The following EXOC6 variants were observed in gnomAD, a reference collection of about 807,000 sequenced individuals.
EXOC6 encodes SEC15-like 1.
In EXOC6, 60 loss-of-function variants were observed where a neutral mutation model predicts 112.5. The observed-to-expected ratio is 0.53, with a 90% CI of 0.43 to 0.66. The LOEUF (loss-of-function observed/expected upper bound fraction) is 0.66, where lower values mean the gene tolerates loss of function less well. Ranked by LOEUF, EXOC6 falls within the 30% of genes least tolerant of loss-of-function variation. The pLI is 0.00. For missense variants in EXOC6, 855 were observed against 957.1 expected (o/e 0.89, Z 1.41); for synonymous variants, 295 against 308.0 (o/e 0.96, Z 0.44).
intron 1 of EXOC6, among the ~76,000 whole-genome samples, chr10:92,886,351 T>G (rs139338504): frequency 6.6e-6 from 1 of 152,376 alleles, no homozygotes; most frequent in East Asian, 1.9e-4. Flanking sequence ...TTGTTGCATT[T>G]GTAATTTAAA....
chr10:92,923,582 A>C lies in EXOC6; in HGVS notation c.888+3532A>C, dbSNP rs1484127288. 2.0e-5 allele frequency among the ~76,000 whole-genome samples: 3 copies of C among 152,158 alleles called. No individual in the cohort carries two copies. In the East Asian group the frequency reaches 5.8e-4, roughly 29 times the overall value. On this transcript the variant is annotated intron_variant, in intron 8 of 21. Coordinates refer to ENST00000260762, the MANE Select transcript of EXOC6 (RefSeq NM_019053.6). ...AAGGCCTCAGTTCCTTGCCACATGG[A>C]GTGTCTACTAGGCTGCCTGAAAGTC...
intron 7 of EXOC6, among the ~76,000 whole-genome samples, chr10:92,918,137 C>T (rs537623483): frequency 2.6e-5 from 4 of 152,118 alleles, no homozygotes; most frequent in Admixed American, 1.3e-4. Flanking sequence ...CAGAGTGAGA[C>T]GCCCATTTCA....
At chr10:92,898,583 A>C (rs567236684) in intron 4 of EXOC6, among the ~76,000 whole-genome samples, 9 of 152,296 alleles carry the variant, frequency 5.9e-5, no homozygotes, top group African/African-American at 2.2e-4. Context: ...ACTTCAAAGA[A>C]AGTTTATACT....
intron 1 of EXOC6, among the ~76,000 whole-genome samples, chr10:92,865,514 GC>G (rs1848131120): frequency 6.6e-6 from 1 of 152,068 alleles, no homozygotes; most frequent in Non-Finnish European, 1.5e-5. Flanking sequence ...TCCAGCCTGG[GC>G]GACAGAGGGA....
At chr10:92,853,483 T>A (rs7087174) in intron 1 of EXOC6, among the ~76,000 whole-genome samples, 2 of 151,920 alleles carry the variant, frequency 1.3e-5, no homozygotes, top group Non-Finnish European at 2.9e-5. Flanking sequence ...CCCATAGACC[T>A]GATTTTAAGA....
At chr10:92,860,215 A>ATTAAG (rs1286733570) in intron 1 of EXOC6, among the ~76,000 whole-genome samples, 4 of 150,328 alleles carry the variant, frequency 2.7e-5, no homozygotes, top group Non-Finnish European at 5.9e-5. Flanking sequence ...GTTATTTGGC[A>ATTAAG]TTAAGTACAA....
At chr10:93,011,183 G>A (rs1430988153) in intron 19 of EXOC6, among the ~76,000 whole-genome samples, 1 of 150,496 alleles carries the variant, frequency 6.6e-6, no homozygotes, top group Non-Finnish European at 1.5e-5. Context: ...TACAGCCTTG[G>A]TTGAGAACCA....
chr10:92,829,463 T>C (rs902731427), intron 1 of EXOC6, among the ~76,000 whole-genome samples: 1 of 152,212 alleles, frequency 6.6e-6, no homozygotes, highest in Non-Finnish European at 1.5e-5. Flanking sequence ...CTTGATTTCC[T>C]TGGCATGAGG....
In EXOC6 at chr10:93,031,481, GTTTTCTTTCTTTTCTT is replaced by G. The variant is rs1297297975; in HGVS notation, c.2169+17227_2169+17242del. Among the ~76,000 whole-genome samples the G allele has an allele frequency of 4.9e-5, 7 of 143,656 alleles. No individual in the cohort carries two copies. In the East Asian group the frequency reaches 1.2e-3, roughly 25 times the overall value. The allele number at this position is 143,656 out of a possible 152,430, so 94.2% of individuals were successfully genotyped here. On this transcript the variant is annotated intron_variant, in intron 20 of 21. Coordinates refer to ENST00000260762, the MANE Select transcript of EXOC6 (RefSeq NM_019053.6). ...AATTAGACAAGAGTGTAGTCCATGC[GTTTTCTTTCTTTTCTT>G]TTTTCTTTCTTTCTTTTTTTTTTTT... is the stretch of plus-strand genomic sequence containing the variant.
intron 6 of EXOC6, among the ~76,000 whole-genome samples, chr10:92,912,006 C>T (rs1462471622): frequency 6.7e-6 from 1 of 150,332 alleles, no homozygotes; most frequent in African/African-American, 2.5e-5. Context: ...CCTGAAGTCT[C>T]TCATCAGCTG....
In EXOC6 at chr10:92,955,627, A is replaced by C. The variant is rs142301691; in HGVS notation, c.1686A>C (p.Lys562Asn). 8.2e-5 allele frequency: 132 copies of C among 1,611,610 alleles called. No homozygotes were observed. The highest frequency in any genetic ancestry group is 7.1e-4 in the African/African-American group (53 of 74,860). Residue 562 changes from lysine (K) to asparagine (N), a missense_variant, in exon 17 of 22, where the codon AAA (lysine) becomes AAC (asparagine). Lys to Asn is a moderately conservative substitution (Grantham distance 94). Coordinates refer to ENST00000260762, the MANE Select transcript of EXOC6 (RefSeq NM_019053.6). The stretch of plus-strand genomic sequence containing the variant: ...CAACACACCTGGAGCAAGCTTGTAA[A>C]TATCTTGAGGACTTTATAACTAACA... The part of the protein sequence containing the change: ...INTTHLEQAC[K>N]YLEDFITNIT...
At chr10:92,995,124 A>AT (rs1843429307) in intron 18 of EXOC6, among the ~76,000 whole-genome samples, 1 of 152,074 alleles carries the variant, frequency 6.6e-6, no homozygotes, top group Non-Finnish European at 1.5e-5. Context: ...ATAAGCCTGG[A>AT]TTTAGTATGC....
intron 19 of EXOC6, among the ~76,000 whole-genome samples, chr10:93,009,042 C>A (rs115296036): frequency 6.6e-6 from 1 of 151,866 alleles, no homozygotes; most frequent in Non-Finnish European, 1.5e-5. Context: ...CAACATAGTC[C>A]CCCTGTCTCT....
chr10:92,889,711 G>A (rs78326858), intron 1 of EXOC6, among the ~76,000 whole-genome samples: 2,713 of 151,766 alleles, frequency 0.018, 45 homozygotes, highest in African/African-American at 0.04. Flanking sequence ...GTAAATCTTG[G>A]GTCGTGTTGT....
At chr10:92,831,138 C>T (rs1846468146), upstream of EXOC6, among the ~76,000 whole-genome samples, 1 of 150,636 alleles carries the variant, frequency 6.6e-6, no homozygotes, top group East Asian at 2.0e-4. Flanking sequence ...GTGTCTCCTA[C>T]GGTGTAGAAG....
intron 5 of EXOC6, among the ~76,000 whole-genome samples, chr10:92,904,001 C>T (rs1200716143): frequency 6.6e-6 from 1 of 151,970 alleles, no homozygotes; most frequent in Non-Finnish European, 1.5e-5. Context: ...GAACTTTGTA[C>T]TGTTTCTATA....
At chr10:92,926,801 G>A (rs1851750881) in intron 8 of EXOC6, among the ~76,000 whole-genome samples, 4 of 152,124 alleles carry the variant, frequency 2.6e-5, no homozygotes, top group Non-Finnish European at 5.9e-5. Flanking sequence ...CCCAAGTTGC[G>A]GGGATTAAAG....
chr10:93,044,205 A>G (rs1482667956), intron 20 of EXOC6, among the ~76,000 whole-genome samples: 1 of 152,214 alleles, frequency 6.6e-6, no homozygotes, highest in Admixed American at 6.5e-5. Context: ...AAGTGTTCTG[A>G]CATGTTTGTC....
At chr10:93,016,088 G>T (rs117930593) in intron 20 of EXOC6, among the ~76,000 whole-genome samples, 1,794 of 152,042 alleles carry the variant, frequency 0.012, 61 homozygotes, top group Admixed American at 0.067. Context: ...ATTATCACTG[G>T]CTAAGTAAAT....
Sources: allele counts gnomAD v4.1 joint callset (sites outside exome capture counted in the v4.1 genomes callset), GRCh38; gene constraint gnomAD v4.1.1; transcripts MANE v1.5; gene names NCBI Gene and HGNC (gene_info 2026-07-23, HGNC 2026-07-21).